DOK5: variants seen among roughly 807,000 people sequenced by gnomAD.
DOK5 encodes downstream of tyrosine kinase 5.
In DOK5, 27 loss-of-function variants were observed where a neutral mutation model predicts 43.3. The ratio of observed to expected loss-of-function variants is 0.62; its 90% CI spans 0.46 to 0.86. The LOEUF is 0.86. Ranked by LOEUF, DOK5 falls within the 40% of genes least tolerant of loss-of-function variation. DOK5 has a pLI of 0.00. For synonymous variants in DOK5, 146 were observed against 140.1 expected, an observed-to-expected ratio of 1.04 and a Z score of -0.30; for missense variants, 373 against 392.9, an observed-to-expected ratio of 0.95 and a Z score of 0.43.
At chr20:54,515,740 A>C in intron 1 of DOK5, among the ~76,000 whole-genome samples, 1 of 152,204 alleles carries the variant, frequency 6.6e-6, no homozygotes. Context: ...ATTGGTTACC[A>C]ATGAAAAGTG....
rs1600705751 is a variant in DOK5 at position 54,566,003 on chromosome 20, C to T, written c.174+10963C>T. ...ACTGCACTCCAGCCTGGTGACAGAG[C>T]GAGATTCCGTCTCAAAAAAAAAAAA... On this transcript the variant is annotated intron_variant, in intron 2 of 7. Coordinates refer to ENST00000262593, the MANE Select transcript of DOK5 (RefSeq NM_018431.5). Among the ~76,000 whole-genome samples the T allele has an allele frequency of 1.2e-4, 17 of 139,494 alleles. No homozygotes were observed. In the South Asian group the frequency reaches 3.7e-3, roughly 30 times the overall value. The allele number at this position is 139,494 out of a possible 152,430, so 91.5% of individuals were successfully genotyped here.
chr20:54,638,579 C>T (rs898021852), intron 6 of DOK5, among the ~76,000 whole-genome samples: 1 of 152,064 alleles, frequency 6.6e-6, no homozygotes, highest in Non-Finnish European at 1.5e-5. Flanking sequence ...CTCTAACGTT[C>T]CATGATTCTT....
At chr20:54,559,161 A>T (rs1984817600) in intron 2 of DOK5, among the ~76,000 whole-genome samples, 1 of 152,196 alleles carries the variant, frequency 6.6e-6, no homozygotes, top group African/African-American at 2.4e-5. Flanking sequence ...GCTTATACTA[A>T]TTAGAAGGGG....
chr20:54,521,721 A>G (rs77030817), intron 1 of DOK5, among the ~76,000 whole-genome samples: 1,738 of 152,252 alleles, frequency 0.011, 16 homozygotes, highest in Non-Finnish European at 0.018. Flanking sequence ...GATTAGCTCT[A>G]TCTTTAGCTC....
intron 6 of DOK5, among the ~76,000 whole-genome samples, chr20:54,630,593 C>G (rs887013384): frequency 6.6e-6 from 1 of 152,166 alleles, no homozygotes; most frequent in Non-Finnish European, 1.5e-5. Context: ...TTAAACCCGC[C>G]TGAATGACAA....
At chr20:54,509,891 C>A (rs552511660) in intron 1 of DOK5, among the ~76,000 whole-genome samples, 1 of 148,974 alleles carries the variant, frequency 6.7e-6, no homozygotes, top group Non-Finnish European at 1.5e-5. Flanking sequence ...AGTTACACTG[C>A]GATCTGGAAA....
At chr20:54,501,433 C>G (rs568101458) in intron 1 of DOK5, among the ~76,000 whole-genome samples, 1 of 128,044 alleles carries the variant, frequency 7.8e-6, no homozygotes, top group East Asian at 2.5e-4. Context: ...CGGCACTGCA[C>G]TCTAGCCTGG....
At chr20:54,486,272 G>T (rs1018970617) in intron 1 of DOK5, among the ~76,000 whole-genome samples, 9 of 151,520 alleles carry the variant, frequency 5.9e-5, no homozygotes, top group African/African-American at 2.2e-4. Flanking sequence ...TCATGTCTTC[G>T]CCTGGGTCCT....
At chr20:54,647,154 C>T (rs1237738900) in intron 7 of DOK5, among the ~76,000 whole-genome samples, 2 of 152,168 alleles carry the variant, frequency 1.3e-5, no homozygotes, top group African/African-American at 4.8e-5. Flanking sequence ...TTAAAATTTT[C>T]ATAGAAATTC....
In DOK5 at chr20:54,643,450, G is replaced by C; in HGVS notation, c.736-8G>C. 1 of 1,613,022 alleles carries C rather than the reference G, an allele frequency of 6.2e-7. No individual in the cohort carries two copies. ...GCTGACGCACAACTTTCTTCCCTTT[G>C]GCTGCAGCTCCAGATGAAGATGAGT... On this transcript the variant is annotated splice_region_variant and splice_polypyrimidine_tract_variant and intron_variant, in intron 6 of 7. Coordinates refer to ENST00000262593, the MANE Select transcript of DOK5 (RefSeq NM_018431.5).
At chr20:54,618,808 A>G (rs1986894788) in intron 6 of DOK5, among the ~76,000 whole-genome samples, 1 of 151,816 alleles carries the variant, frequency 6.6e-6, no homozygotes, top group Admixed American at 6.6e-5. Context: ...GTTTGAGGCC[A>G]GGAGTTAGAG....
intron 1 of DOK5, among the ~76,000 whole-genome samples, chr20:54,477,058 C>CG (rs1172552241): frequency 4.8e-5 from 3 of 61,994 alleles, no homozygotes; most frequent in South Asian, 4.6e-4. Flanking sequence ...GTGGCGGGGG[C>CG]GGGGGGAGAA....
At chr20:54,568,722 A>G (rs2146744932) in intron 2 of DOK5, among the ~76,000 whole-genome samples, 1 of 152,216 alleles carries the variant, frequency 6.6e-6, no homozygotes, top group Admixed American at 6.5e-5. Flanking sequence ...CGAGGTAAGG[A>G]GATCGAGACC....
At position 54,573,012 on chromosome 20, in the gene DOK5, A is replaced by T. The variant is rs182964068; in HGVS notation, c.175-15471A>T. On this transcript the variant is annotated intron_variant, in intron 2 of 7. Transcript: ENST00000262593. Reference sequence around the variant, plus strand: ...ATTTGGTGGCAAACACAGCAGACGAAATCCTGACCCTACTGCAGTGGGGAA... The same window carrying T: ...ATTTGGTGGCAAACACAGCAGACGATATCCTGACCCTACTGCAGTGGGGAA... Among the ~76,000 whole-genome samples the T allele has an allele frequency of 3.3e-5, 5 of 152,370 alleles. No individual in the cohort carries two copies. The East Asian group carries it at 9.6e-4, about 29-fold the overall frequency.
chr20:54,485,865 G>T (rs1981912392), intron 1 of DOK5, among the ~76,000 whole-genome samples: 1 of 152,108 alleles, frequency 6.6e-6, no homozygotes, highest in African/African-American at 2.4e-5. Context: ...GATGTGTCGT[G>T]GTATCTTATT....
chr20:54,594,320 A>T (rs1354860974), intron 5 of DOK5, among the ~76,000 whole-genome samples: 3 of 152,160 alleles, frequency 2.0e-5, no homozygotes, highest in Non-Finnish European at 4.4e-5. Flanking sequence ...TGAGCCTGGG[A>T]GGTCGAGGCT....
chr20:54,524,751 C>T (rs1983523366), intron 1 of DOK5, among the ~76,000 whole-genome samples: 1 of 152,222 alleles, frequency 6.6e-6, no homozygotes. Flanking sequence ...TATTCTTCCT[C>T]TCCTAATTTG....
At chr20:54,486,973 A>T (rs7273866) in intron 1 of DOK5, among the ~76,000 whole-genome samples, 1 of 152,158 alleles carries the variant, frequency 6.6e-6, no homozygotes, top group Non-Finnish European at 1.5e-5. Context: ...GTTGCATTCT[A>T]TCTTCCTCTT....
Position 54,475,971 on chromosome 20 carries a change from G to A in DOK5, c.25G>A (p.Val9Met), listed in dbSNP as rs1327428380. 1.2e-5 allele frequency: 20 copies of A among 1,613,518 alleles called. No individual in the cohort carries two copies. The highest frequency in any genetic ancestry group is 2.2e-5 in the East Asian group (1 of 44,866). The change falls in exon 1 of 8, where the codon GTG becomes ATG. Residue 9 changes from valine to methionine, a missense_variant. By Grantham distance (21) the Val-to-Met change is conservative (BLOSUM62 1). Coordinates refer to ENST00000262593, the MANE Select transcript of DOK5 (RefSeq NM_018431.5). This position sits in a 1 kb window ranked among gnomAD's most constrained non-coding sequence, Gnocchi z 4.2. Reference sequence around the variant, plus strand: ...GATGGCTTCCAATTTTAATGACATAGTGAAGCAAGGGTACGTGAGGATCCG... The same window carrying A: ...GATGGCTTCCAATTTTAATGACATAATGAAGCAAGGGTACGTGAGGATCCG... Reference protein sequence around the residue: MASNFNDIVKQGYVRIRSR... With the variant: MASNFNDIMKQGYVRIRSR...
Sources: gnomAD v4.1 joint callset for allele counts (sites outside exome capture counted in the v4.1 genomes callset) on GRCh38, gnomAD v4.1.1 for gene constraint, Gnocchi (gnomAD v3.1) non-coding constraint, MANE v1.5 for transcripts, NCBI Gene and HGNC (gene_info 2026-07-23, HGNC 2026-07-21) for gene names.